HTR2C: variants seen among roughly 807,000 people sequenced by gnomAD.
HTR2C encodes the protein 5-hydroxytryptamine (serotonin) receptor 2C, G protein-coupled.
In HTR2C, 5 loss-of-function variants were observed where a neutral mutation model predicts 21.0. The ratio of observed to expected loss-of-function variants is 0.24; its 90% CI spans 0.12 to 0.50. HTR2C has a LOEUF of 0.50. HTR2C is among the 20% of genes least tolerant of loss of function. The pLI, the probability that HTR2C is intolerant of heterozygous loss-of-function variation, is 0.98. For synonymous variants in HTR2C, 150 were observed against 145.3 expected, an observed-to-expected ratio of 1.03 and a Z score of -0.23; for missense variants, 271 against 371.2, an observed-to-expected ratio of 0.73 and a Z score of 2.22.
chrX:114,585,885 C>T (rs1927368926), intron 1 of HTR2C, among the ~76,000 whole-genome samples: 1 of 108,773 alleles, frequency 9.2e-6, no homozygotes, highest in Admixed American at 9.9e-5. Flanking sequence ...AACCGAGGGA[C>T]GCTCATATAT....
At chrX:114,817,490 T>G (rs2070596322) in intron 4 of HTR2C, among the ~76,000 whole-genome samples, 1 of 112,125 alleles carries the variant, frequency 8.9e-6, no homozygotes, top group African/African-American at 3.2e-5. Context: ...TTTCGGGACT[T>G]TGAAAATTAA....
chrX:114,649,031 T>G (rs986702998), intron 2 of HTR2C, among the ~76,000 whole-genome samples: 4 of 111,868 alleles, frequency 3.6e-5, no homozygotes, highest in African/African-American at 1.3e-4. Context: ...TACGGATACT[T>G]TAACGTCAAC....
intron 2 of HTR2C, among the ~76,000 whole-genome samples, chrX:114,674,474 G>A (rs1340021463): frequency 2.7e-5 from 3 of 111,344 alleles, no homozygotes; most frequent in Non-Finnish European, 3.8e-5. Context: ...AAGGAGAAAT[G>A]TGTCTTCTGG....
intron 1 of HTR2C, among the ~76,000 whole-genome samples, chrX:114,596,553 T>C (rs1242982793): frequency 8.9e-6 from 1 of 111,909 alleles, no homozygotes; most frequent in East Asian, 2.8e-4. Flanking sequence ...ATTTTGCCCC[T>C]GTACTAGAAC....
chrX:114,823,649 C>A (rs1325922711), intron 4 of HTR2C: 1 of 299,847 alleles, frequency 3.3e-6, no homozygotes. Context: ...AGAGCTGCAT[C>A]ACTAGAAAGG....
chrX:114,800,131 A>T (rs1192875299), intron 4 of HTR2C, among the ~76,000 whole-genome samples: 1 of 110,400 alleles, frequency 9.1e-6, no homozygotes, highest in Non-Finnish European at 1.9e-5. Flanking sequence ...ATTAATGAAA[A>T]TGTAAGAGTG....
chrX:114,671,692 A>T (rs1343688078), intron 2 of HTR2C, among the ~76,000 whole-genome samples: 1 of 112,131 alleles, frequency 8.9e-6, no homozygotes, highest in African/African-American at 3.2e-5. Flanking sequence ...AAACTTGCAG[A>T]ATATTTCTTT....
At chrX:114,865,189 C>T (rs189823609) in intron 5 of HTR2C, among the ~76,000 whole-genome samples, 1 of 111,734 alleles carries the variant, frequency 8.9e-6, no homozygotes, top group East Asian at 2.8e-4. Flanking sequence ...GCTTCTTTCA[C>T]TTAACATGAT....
At chrX:114,584,936 C>A (rs1240442127) in intron 1 of HTR2C, among the ~76,000 whole-genome samples, 2 of 91,636 alleles carry the variant, frequency 2.2e-5, no homozygotes, top group African/African-American at 8.4e-5. Context: ...AGGCGGGGGT[C>A]TAGAGAACCT....
At chrX:114,836,577 G>T (rs1400199635) in intron 4 of HTR2C, among the ~76,000 whole-genome samples, 2 of 111,825 alleles carry the variant, frequency 1.8e-5, no homozygotes, top group African/African-American at 6.5e-5. Context: ...TGCACGGTGC[G>T]TGCACCCACT....
At chrX:114,874,330 TTC>T (rs2071115374) in intron 5 of HTR2C, among the ~76,000 whole-genome samples, 1 of 111,508 alleles carries the variant, frequency 9.0e-6, no homozygotes, top group South Asian at 3.7e-4. Flanking sequence ...CATATGGTAG[TTC>T]TGTTTTTAAG....
intron 5 of HTR2C, among the ~76,000 whole-genome samples, chrX:114,880,075 G>T (rs1269707370): frequency 1.8e-5 from 2 of 109,789 alleles, no homozygotes; most frequent in African/African-American, 6.6e-5. Context: ...ATATCATAAA[G>T]CTCATTATTA....
chrX:114,887,740 G>A (rs1556481943), intron 5 of HTR2C, among the ~76,000 whole-genome samples: 1 of 110,562 alleles, frequency 9.0e-6, no homozygotes, highest in Non-Finnish European at 1.9e-5. Flanking sequence ...GCCAGCTGTT[G>A]GCCGGGCGCG....
At chrX:114,890,239 C>T (rs2071249270) in intron 5 of HTR2C, among the ~76,000 whole-genome samples, 1 of 111,920 alleles carries the variant, frequency 8.9e-6, no homozygotes, top group Non-Finnish European at 1.9e-5. Context: ...CTTCTTAGAA[C>T]AAGAAATATA....
intron 4 of HTR2C, among the ~76,000 whole-genome samples, chrX:114,788,354 G>A (rs1429230544): frequency 5.4e-5 from 6 of 110,409 alleles, no homozygotes; most frequent in African/African-American, 2.0e-4. Context: ...TCTGCTTCCC[G>A]GGTTCAAGCA....
intron 5 of HTR2C, among the ~76,000 whole-genome samples, chrX:114,899,853 G>C (rs921498067): frequency 9.0e-6 from 1 of 111,041 alleles, no homozygotes; most frequent in East Asian, 2.8e-4. Flanking sequence ...ATGAAGTTCT[G>C]TTGGCAACAA....
At chrX:114,843,717 A>G (rs1045732553) in intron 4 of HTR2C, among the ~76,000 whole-genome samples, 15 of 111,833 alleles carry the variant, frequency 1.3e-4, no homozygotes, top group African/African-American at 4.5e-4. Context: ...AGAGAATCTT[A>G]AAAGCTGCAA....
At chrX:114,738,477 A>C (rs985634113) in intron 4 of HTR2C, among the ~76,000 whole-genome samples, 1 of 111,646 alleles carries the variant, frequency 9.0e-6, no homozygotes, top group African/African-American at 3.3e-5. Flanking sequence ...CACCACGACC[A>C]ACTGGGTGGT....
At chrX:114,877,677 A>G (rs1320308419) in intron 5 of HTR2C, among the ~76,000 whole-genome samples, 1 of 110,014 alleles carries the variant, frequency 9.1e-6, no homozygotes, top group Non-Finnish European at 1.9e-5. Flanking sequence ...TTATCTGAAT[A>G]TTTTTTTAAA....
Sources: gnomAD v4.1 joint callset for allele counts (sites outside exome capture counted in the v4.1 genomes callset) on GRCh38, gnomAD v4.1.1 for gene constraint, MANE v1.5 for transcripts, NCBI Gene and HGNC (gene_info 2026-07-23, HGNC 2026-07-21) for gene names.